SLIT3: variants seen among roughly 807,000 people sequenced by gnomAD.
SLIT3 encodes the protein slit guidance ligand 3.
Under a neutral mutation model 184.0 loss-of-function variants are expected in SLIT3, and 68 were observed. The observed-to-expected ratio is 0.37, with a 90% CI of 0.30 to 0.45. The LOEUF is 0.45. Ranked by LOEUF, SLIT3 falls within the 20% of genes least tolerant of loss-of-function variation. The probability of loss-of-function intolerance (pLI) is 1.00; values close to 1 mark genes in which losing one functional copy is unlikely to be tolerated. For synonymous variants in SLIT3, 831 were observed against 828.6 expected, an observed-to-expected ratio of 1.00 and a Z score of -0.05; for missense variants, 1,707 against 2,026.0, an observed-to-expected ratio of 0.84 and a Z score of 3.02.
At chr5:168,904,848 C>T (rs1353655355) in intron 4 of SLIT3, among the ~76,000 whole-genome samples, 3 of 152,118 alleles carry the variant, frequency 2.0e-5, no homozygotes, top group Non-Finnish European at 4.4e-5. Flanking sequence ...CTCAATGTTA[C>T]AAACTCACAG....
At chr5:168,894,006 G>C (rs186203312) in intron 4 of SLIT3, among the ~76,000 whole-genome samples, 142 of 152,252 alleles carry the variant, frequency 9.3e-4, no homozygotes, top group Admixed American at 4.6e-4. Context: ...CAGGAAGGAG[G>C]GGAGTGAGGC....
At chr5:168,818,519 GT>G (rs1444931129) in intron 7 of SLIT3, among the ~76,000 whole-genome samples, 1 of 152,244 alleles carries the variant, frequency 6.6e-6, no homozygotes, top group African/African-American at 2.4e-5. Context: ...GTCACTAGAA[GT>G]TGGTAGTGGG....
chr5:169,259,418 A>T (rs898505192), intron 1 of SLIT3, among the ~76,000 whole-genome samples: 2 of 152,206 alleles, frequency 1.3e-5, no homozygotes, highest in Admixed American at 1.3e-4. Context: ...GGGCTACAAC[A>T]GGTAGGGAGA....
chr5:168,803,440 A>G (rs1396031634), intron 9 of SLIT3, among the ~76,000 whole-genome samples: 1 of 152,238 alleles, frequency 6.6e-6, no homozygotes, highest in Non-Finnish European at 1.5e-5. Context: ...GTTGCTTTTA[A>G]AATTCAACAC....
intron 12 of SLIT3, among the ~76,000 whole-genome samples, chr5:168,783,541 T>C (rs35008714): frequency 0.094 from 14,380 of 152,262 alleles, 872 homozygotes; most frequent in Non-Finnish European, 0.13. Context: ...GCAGAGGCAG[T>C]TCAGCTTTGC....
chr5:169,154,132 C>T (rs1354293252), intron 4 of SLIT3, among the ~76,000 whole-genome samples: 4 of 152,100 alleles, frequency 2.6e-5, no homozygotes, highest in African/African-American at 9.7e-5. Flanking sequence ...ACCACCAAGC[C>T]TGGCTAATTT....
intron 5 of SLIT3, among the ~76,000 whole-genome samples, chr5:168,862,148 C>T (rs866046274): frequency 8.6e-5 from 13 of 152,028 alleles, no homozygotes; most frequent in African/African-American, 2.7e-4. Flanking sequence ...AGGAATCTCT[C>T]GAGATATTTA....
chr5:168,993,021 CT>C (rs1030872372), intron 4 of SLIT3: 30 of 152,250 alleles, frequency 2.0e-4, no homozygotes, highest in African/African-American at 7.0e-4. Flanking sequence ...AGATTTACCC[CT>C]GAACCTCTCT....
intron 4 of SLIT3, among the ~76,000 whole-genome samples, chr5:168,926,647 C>T (rs1761833528): frequency 6.6e-6 from 1 of 151,866 alleles, no homozygotes; most frequent in East Asian, 1.9e-4. Flanking sequence ...AGATAAATCC[C>T]ACTCAACAGC....
intron 1 of SLIT3, among the ~76,000 whole-genome samples, chr5:169,284,099 C>A (rs995328554): frequency 1.3e-5 from 2 of 152,212 alleles, no homozygotes; most frequent in Non-Finnish European, 2.9e-5. Flanking sequence ...TGACAAAAAA[C>A]AGACACAAGG....
intron 3 of SLIT3, among the ~76,000 whole-genome samples, chr5:169,216,208 G>A (rs1764429968): frequency 6.6e-6 from 1 of 152,144 alleles, no homozygotes; most frequent in Admixed American, 6.5e-5. Flanking sequence ...TGTGCCACCA[G>A]CCAGGGGTCA....
At chr5:168,684,822 A>G (rs767025997) in intron 31 of SLIT3, among the ~76,000 whole-genome samples, 1 of 152,212 alleles carries the variant, frequency 6.6e-6, no homozygotes, top group Non-Finnish European at 1.5e-5. Flanking sequence ...AATGTTTGCT[A>G]GGAACCAGGC....
chr5:169,197,242 G>C (rs1178786418), intron 3 of SLIT3, among the ~76,000 whole-genome samples: 4 of 152,152 alleles, frequency 2.6e-5, no homozygotes, highest in African/African-American at 9.7e-5. Flanking sequence ...CAGATGGGTG[G>C]GGCTCTGCTC....
At chr5:168,877,028 T>C (rs758490054) in intron 5 of SLIT3, among the ~76,000 whole-genome samples, 1 of 152,246 alleles carries the variant, frequency 6.6e-6, no homozygotes, top group African/African-American at 2.4e-5. Flanking sequence ...AATACATTTC[T>C]AGTCCACTTT....
chr5:169,193,374 C>T, intron 4 of SLIT3, 105 bp downstream of exon 4: 1 of 914,892 alleles, frequency 1.1e-6, no homozygotes, highest in Non-Finnish European at 1.8e-6. Flanking sequence ...ATGTCAGGGC[C>T]TAACTGCCAA....
intron 6 of SLIT3, among the ~76,000 whole-genome samples, chr5:168,828,913 C>T (rs997170368): frequency 6.6e-6 from 1 of 152,130 alleles, no homozygotes; most frequent in Non-Finnish European, 1.5e-5. Flanking sequence ...TGCTCTTTTG[C>T]AGCAACTAGG....
At chr5:168,859,719 C>T (rs1053705953) in intron 5 of SLIT3, among the ~76,000 whole-genome samples, 1 of 152,134 alleles carries the variant, frequency 6.6e-6, no homozygotes, top group African/African-American at 2.4e-5. Context: ...TGAGATCTGA[C>T]GGCATTTGCT....
At chr5:168,867,953 C>A (rs1256079836) in intron 5 of SLIT3, among the ~76,000 whole-genome samples, 1 of 152,156 alleles carries the variant, frequency 6.6e-6, no homozygotes, top group African/African-American at 2.4e-5. Context: ...TGAATGGGAC[C>A]CACAGATGAC....
At chr5:169,168,976 A>T (rs1762729979) in intron 4 of SLIT3, among the ~76,000 whole-genome samples, 1 of 152,226 alleles carries the variant, frequency 6.6e-6, no homozygotes, top group Admixed American at 6.5e-5. Flanking sequence ...AGCCTGCTTA[A>T]GAGGCATTCA....
Sources: gnomAD v4.1 joint callset for allele counts (sites outside exome capture counted in the v4.1 genomes callset) on GRCh38, gnomAD v4.1.1 for gene constraint, MANE v1.5 for transcripts, NCBI Gene and HGNC (gene_info 2026-07-23, HGNC 2026-07-21) for gene names.